LMTK2: variants seen among roughly 807,000 people sequenced by gnomAD.
LMTK2 encodes lemur tail kinase 2.
In LMTK2, 37 loss-of-function variants were observed where a neutral mutation model predicts 127.5. The observed-to-expected ratio is 0.29, with a 90% CI of 0.22 to 0.38. The LOEUF (loss-of-function observed/expected upper bound fraction) is 0.38, where lower values mean the gene tolerates loss of function less well. Ranked by LOEUF, LMTK2 falls within the 10% of genes least tolerant of loss-of-function variation. The pLI is 1.00. For missense variants in LMTK2, 1,694 were observed against 1,920.3 expected (o/e 0.88, Z 2.20); for synonymous variants, 819 against 810.1 (o/e 1.01, Z -0.19).
At position 98,194,314 on chromosome 7, in the gene LMTK2, T is replaced by C; in HGVS notation, c.3849T>C (p.Asp1283=). 1 of 1,614,080 alleles carries C rather than the reference T, an allele frequency of 6.2e-7. No individual in the cohort carries two copies. Residue 1283 remains aspartate, a synonymous_variant, in exon 11 of 14, where the codon GAT becomes GAC. Transcript: ENST00000297293. This position sits in a 1 kb window ranked among gnomAD's most constrained non-coding sequence, Gnocchi z 5.4. ...TCGACCTCTCAGAGGACGGGATGGA[T>C]GCAGACGAGGAGGACGAAAACAGCG... ...GMLDLSEDGM[D]ADEEDENSDD... is the part of the protein sequence containing the mutation.
intron 6 of LMTK2, among the ~76,000 whole-genome samples, chr7:98,161,823 GC>G (rs1244393972): frequency 6.6e-6 from 1 of 152,000 alleles, no homozygotes; most frequent in African/African-American, 2.4e-5. Flanking sequence ...TCAGAGGCCC[GC>G]TATTCTGAGC....
At position 98,144,055 on chromosome 7, in the gene LMTK2, TTTTTTC is replaced by T. The variant is rs957092006; in HGVS notation, c.376+2516_376+2521del. Among the ~76,000 whole-genome samples, 21 of 152,324 alleles carry T rather than the reference TTTTTTC, an allele frequency of 1.4e-4. No individual in the cohort carries two copies. The Middle Eastern group carries it at 0.014, about 99-fold the overall frequency. ...TCTACAAGTTCTACCATTTTTTTCT[TTTTTTC>T]TATTTTTAAAATGTATTTTATTTTT... On this transcript the variant is annotated intron_variant, in intron 3 of 13. Transcript: ENST00000297293.
intron 4 of LMTK2, among the ~76,000 whole-genome samples, chr7:98,152,612 G>T (rs1796874476): frequency 6.6e-6 from 1 of 152,136 alleles, no homozygotes. Context: ...TAGTTGGGAG[G>T]GTCACACAGC....
intron 1 of LMTK2, among the ~76,000 whole-genome samples, chr7:98,111,652 A>G (rs1796203333): frequency 1.3e-5 from 2 of 152,224 alleles, no homozygotes. Context: ...GTACCCTCTC[A>G]CACTAGATTG....
At chr7:98,196,053 G>T (rs946868446) in intron 11 of LMTK2, among the ~76,000 whole-genome samples, 6 of 152,040 alleles carry the variant, frequency 3.9e-5, no homozygotes, top group African/African-American at 1.4e-4. Flanking sequence ...AGCCAGTCAC[G>T]GTAGGCAAGA....
intron 6 of LMTK2, among the ~76,000 whole-genome samples, chr7:98,167,896 G>T (rs571016150): frequency 2.0e-5 from 3 of 152,128 alleles, no homozygotes; most frequent in Admixed American, 2.0e-4. Flanking sequence ...AAGAAGAAAC[G>T]CAGGAGGTTG....
chr7:98,153,597 C>T (rs907830726), intron 4 of LMTK2, among the ~76,000 whole-genome samples: 17 of 152,190 alleles, frequency 1.1e-4, no homozygotes, highest in East Asian at 3.9e-4. Context: ...ATAGGCTGGA[C>T]GCGGTAGCTC....
intron 1 of LMTK2, 97 bp from the exon 2 acceptor site, chr7:98,137,218 T>C (rs1254663079): frequency 2.6e-6 from 3 of 1,139,932 alleles, no homozygotes; most frequent in Non-Finnish European, 3.8e-6. Flanking sequence ...TATTAACCCT[T>C]ACACCCATTT....
intron 1 of LMTK2, among the ~76,000 whole-genome samples, chr7:98,120,084 T>G (rs1038848958): frequency 6.6e-6 from 1 of 152,210 alleles, no homozygotes; most frequent in African/African-American, 2.4e-5. Flanking sequence ...ATTATAATGA[T>G]TGTATAATCA....
intron 1 of LMTK2, among the ~76,000 whole-genome samples, chr7:98,136,371 T>C (rs1414661412): frequency 6.6e-6 from 1 of 152,202 alleles, no homozygotes; most frequent in Non-Finnish European, 1.5e-5. Flanking sequence ...ACAGTAGTAA[T>C]TGCTGTAGGC....
chr7:98,191,674 G>A lies in LMTK2; in HGVS notation c.1209G>A (p.Val403=). ...SPEKRPAAED[V]HRLLTYLRLQ... The stretch of plus-strand genomic sequence containing the variant: ...AAAAGAGACCCGCGGCTGAAGATGT[G>A]CACAGGCTGCTGACTTACCTGCGGC... Residue 403 remains valine (V), a synonymous_variant, in exon 11 of 14, where the codon GTG becomes GTA. Coordinates refer to ENST00000297293, the MANE Select transcript of LMTK2 (RefSeq NM_014916.4). 3 of 1,614,082 alleles carry A rather than the reference G, an allele frequency of 1.9e-6. No homozygotes were observed. Among genetic ancestry groups the A allele is most frequent in the Non-Finnish European group, 2.5e-6 (3 of 1,179,996 alleles).
Position 98,205,704 on chromosome 7 carries a change from C to A in LMTK2, c.*212C>A. The A allele has an allele frequency of 1.6e-6, 1 of 607,678 alleles. No individual in the cohort carries two copies. Among genetic ancestry groups the A allele is most frequent in the South Asian group, 1.9e-5 (1 of 51,596 alleles). The allele number at this position is 607,678 out of a possible 1,614,324, so 37.6% of individuals were successfully genotyped here. On this transcript the variant is annotated 3_prime_UTR_variant, in exon 14 of 14. Transcript: ENST00000297293. Reference sequence around the variant, plus strand: ...GAGCGAGGCCGTGTCCAGGAGCCGGCGTCCCTCAGTGCCCCGTGCACCCGC... The same window carrying A: ...GAGCGAGGCCGTGTCCAGGAGCCGGAGTCCCTCAGTGCCCCGTGCACCCGC...
At chr7:98,156,776 G>C (rs1011035143) in intron 5 of LMTK2, among the ~76,000 whole-genome samples, 1 of 152,194 alleles carries the variant, frequency 6.6e-6, no homozygotes, top group African/African-American at 2.4e-5. Flanking sequence ...TCTGCAGGGT[G>C]GACCAGGAGG....
At position 98,107,292 on chromosome 7, in the gene LMTK2, C is replaced by T; in HGVS notation, c.103+12C>T. The T allele has an allele frequency of 7.8e-7, 1 of 1,279,696 alleles. No individual in the cohort carries two copies. Among genetic ancestry groups the T allele is most frequent in the South Asian group, 1.9e-5 (1 of 52,378 alleles). 79.3% of individuals were successfully genotyped at this position (1,279,696 alleles called of 1,614,324 possible). A position where few individuals can be genotyped will look rare whatever the true frequency, so the allele number is the denominator to read the frequency against. ...GCAAACAGGTGCAGGTGAGCGGGCC[C>T]GCGGCGGGGACGGGGCTGCGGGGTC... On this transcript the variant is annotated intron_variant, in intron 1 of 13. Transcript: ENST00000297293.
At chr7:98,143,046 G>A (rs1310857197) in intron 3 of LMTK2, among the ~76,000 whole-genome samples, 2 of 152,160 alleles carry the variant, frequency 1.3e-5, no homozygotes, top group Non-Finnish European at 2.9e-5. Flanking sequence ...AGGAAGGTGG[G>A]GACAGACAGA....
At chr7:98,190,932 C>A in intron 10 of LMTK2, 55 bp downstream of exon 10, 1 of 1,541,118 alleles carries the variant, frequency 6.5e-7, no homozygotes, top group South Asian at 1.2e-5. Context: ...GAGGTGTCCC[C>A]AAAACACAAA....
intron 6 of LMTK2, among the ~76,000 whole-genome samples, chr7:98,168,790 C>T (rs1445890978): frequency 6.6e-6 from 1 of 152,142 alleles, no homozygotes; most frequent in Non-Finnish European, 1.5e-5. Flanking sequence ...TGGTGTAGCG[C>T]TCTGCTGCCA....
At chr7:98,177,457 A>G (rs1400125959) in intron 7 of LMTK2, among the ~76,000 whole-genome samples, 1 of 152,214 alleles carries the variant, frequency 6.6e-6, no homozygotes, top group Non-Finnish European at 1.5e-5. Flanking sequence ...ATGCCAGTTC[A>G]CTCAAAGAAT....
At chr7:98,157,084 G>GA (rs960889328) in intron 5 of LMTK2, among the ~76,000 whole-genome samples, 13 of 152,122 alleles carry the variant, frequency 8.5e-5, no homozygotes, top group East Asian at 3.9e-4. Flanking sequence ...CCTGTCTGTA[G>GA]AAAAAATCAG....
Sources: gnomAD v4.1 joint callset for allele counts (sites outside exome capture counted in the v4.1 genomes callset) on GRCh38, gnomAD v4.1.1 for gene constraint, Gnocchi (gnomAD v3.1) non-coding constraint, MANE v1.5 for transcripts, NCBI Gene and HGNC (gene_info 2026-07-23, HGNC 2026-07-21) for gene names.